The following SCPPPQ1 variants were observed in gnomAD, a reference collection of about 807,000 sequenced individuals.
SCPPPQ1 encodes the protein secretory calcium-binding phosphoprotein proline-glutamine rich 1.
the SCPPPQ1 span, among the ~76,000 whole-genome samples, chr4:87,468,967 G>A: frequency 1.3e-5 from 2 of 152,326 alleles, no homozygotes; most frequent in African/African-American, 2.4e-5. Flanking sequence ...TCAAAAATTG[G>A]ACTTTAAAGG....
At chr4:87,461,093 G>A in the SCPPPQ1 span, 1 of 152,494 alleles carries the variant, frequency 6.6e-6, no homozygotes, top group African/African-American at 2.4e-5. Flanking sequence ...TATGTCTTAT[G>A]TAAAATGAAT....
chr4:87,467,335 A>G, the SCPPPQ1 span, among the ~76,000 whole-genome samples: 1 of 152,232 alleles, frequency 6.6e-6, no homozygotes, highest in Non-Finnish European at 1.5e-5. Flanking sequence ...CTTTATTGAA[A>G]AAATGTTTTA....
chr4:87,462,576 T>G, the SCPPPQ1 span, among the ~76,000 whole-genome samples: 2 of 152,212 alleles, frequency 1.3e-5, no homozygotes, highest in Non-Finnish European at 2.9e-5. Context: ...TTGTAGCCTT[T>G]GTATCCAGCA....
At chr4:87,464,048 A>G in the SCPPPQ1 span, among the ~76,000 whole-genome samples, 1,793 of 152,286 alleles carry the variant, frequency 0.012, 15 homozygotes, top group Non-Finnish European at 0.019. Context: ...GGCACGAACA[A>G]TGCCCTCAGG....
chr4:87,461,605 A>G, the SCPPPQ1 span, among the ~76,000 whole-genome samples: 1 of 152,212 alleles, frequency 6.6e-6, no homozygotes, highest in African/African-American at 2.4e-5. Flanking sequence ...AAAGCATTTC[A>G]AACTCAAATA....
chr4:87,469,706 G>GT, the SCPPPQ1 span, among the ~76,000 whole-genome samples: 2 of 152,100 alleles, frequency 1.3e-5, no homozygotes, highest in African/African-American at 4.8e-5. Flanking sequence ...TTTTTTCTAT[G>GT]TAAGTCCTAT....
the SCPPPQ1 span, among the ~76,000 whole-genome samples, chr4:87,466,445 A>ACCAAAATAATTAGCAATTAATTATAAGTG: frequency 3.3e-5 from 5 of 152,182 alleles, no homozygotes; most frequent in African/African-American, 1.2e-4. Flanking sequence ...CCTGACTAGA[A>ACCAAAATAATTAGCAATTAATTATAAGTG]CCAAAATAAT....
chr4:87,465,633 CATTT>C, the SCPPPQ1 span, among the ~76,000 whole-genome samples: 2 of 148,048 alleles, frequency 1.4e-5, no homozygotes, highest in African/African-American at 5.0e-5. Flanking sequence ...TGCTTTTTCT[CATTT>C]ATTCATACAT....
chr4:87,468,692 C>T, the SCPPPQ1 span, among the ~76,000 whole-genome samples: 6 of 152,182 alleles, frequency 3.9e-5, no homozygotes, highest in South Asian at 4.1e-4. Context: ...TGTTAAGCTG[C>T]CGTGACACTT....
the SCPPPQ1 span, among the ~76,000 whole-genome samples, chr4:87,462,734 A>G: frequency 6.6e-6 from 1 of 152,302 alleles, no homozygotes; most frequent in African/African-American, 2.4e-5. Flanking sequence ...ACAGTGGCTC[A>G]CGCCTGTAAT....
the SCPPPQ1 span, among the ~76,000 whole-genome samples, chr4:87,470,712 T>C: frequency 1.3e-5 from 2 of 152,220 alleles, no homozygotes; most frequent in Non-Finnish European, 2.9e-5. Context: ...TTAAGACTTA[T>C]CTCCAGCATT....
At chr4:87,462,286 C>T in the SCPPPQ1 span, 1 of 152,128 alleles carries the variant, frequency 6.6e-6, no homozygotes, top group South Asian at 2.1e-4. Flanking sequence ...CACTTCAGGG[C>T]AATGTAACTT....
the SCPPPQ1 span, chr4:87,462,193 A>C: frequency 5.9e-5 from 9 of 152,194 alleles, no homozygotes; most frequent in Non-Finnish European, 1.0e-4. Flanking sequence ...TGAATCCTTA[A>C]CTGTTTACAG....
the SCPPPQ1 span, among the ~76,000 whole-genome samples, chr4:87,465,591 A>T: frequency 6.8e-6 from 1 of 146,882 alleles, no homozygotes; most frequent in African/African-American, 2.6e-5. Flanking sequence ...AAAAAAAAGT[A>T]AATTGTGAAT....
the SCPPPQ1 span, among the ~76,000 whole-genome samples, chr4:87,463,323 A>AC: frequency 7.2e-6 from 1 of 138,808 alleles, no homozygotes; most frequent in Non-Finnish European, 1.6e-5. Flanking sequence ...AAAGTTAAAA[A>AC]AAAAAACAAC....
At chr4:87,469,473 CT>C in the SCPPPQ1 span, among the ~76,000 whole-genome samples, 1 of 152,144 alleles carries the variant, frequency 6.6e-6, no homozygotes, top group East Asian at 1.9e-4. Flanking sequence ...AGTTCTATGA[CT>C]TTCCTGGGTT....
chr4:87,465,915 ACTTT>A, the SCPPPQ1 span, among the ~76,000 whole-genome samples: 1 of 151,914 alleles, frequency 6.6e-6, no homozygotes, highest in Non-Finnish European at 1.5e-5. Context: ...AGTAAGTGTT[ACTTT>A]CTTTGCTTGC....
the SCPPPQ1 span, among the ~76,000 whole-genome samples, chr4:87,465,559 C>CA: frequency 0.024 from 2,335 of 97,844 alleles, 126 homozygotes; most frequent in African/African-American, 0.05. Context: ...TAGAAATCTA[C>CA]AAAAAAAAAA....
chr4:87,467,764 A>G, the SCPPPQ1 span, among the ~76,000 whole-genome samples: 1 of 152,178 alleles, frequency 6.6e-6, no homozygotes, highest in Non-Finnish European at 1.5e-5. Flanking sequence ...CCATCCAACA[A>G]ATAAATCCTT....
Sources: gnomAD v4.1 joint callset for allele counts (sites outside exome capture counted in the v4.1 genomes callset) on GRCh38, gnomAD v4.1.1 for gene constraint, MANE v1.5 for transcripts, NCBI Gene and HGNC (gene_info 2026-07-23, HGNC 2026-07-21) for gene names.